The following CSMD3 variants were observed in gnomAD, a reference collection of about 807,000 sequenced individuals.
The protein encoded by CSMD3 is CUB and Sushi multiple domains 3.
In CSMD3, 177 loss-of-function variants were observed where a neutral mutation model predicts 435.2. The ratio of observed to expected loss-of-function variants is 0.41; its 90% CI spans 0.36 to 0.46. CSMD3 has a LOEUF of 0.46. Among genes scored for constraint, CSMD3 ranks in the 20% least tolerant of loss-of-function variants. The pLI is 0.34. For synonymous variants in CSMD3, 1,656 were observed against 1,520.5 expected, an observed-to-expected ratio of 1.09 and a Z score of -2.07; for missense variants, 4,265 against 4,504.6, an observed-to-expected ratio of 0.95 and a Z score of 1.52.
At chr8:113,158,325 T>C (rs1014440107) in intron 4 of CSMD3, among the ~76,000 whole-genome samples, 10 of 151,988 alleles carry the variant, frequency 6.6e-5, no homozygotes, top group Non-Finnish European at 1.2e-4. Flanking sequence ...GAACCACATA[T>C]ATGATAACGG....
chr8:113,038,251 A>C (rs1587941949), intron 5 of CSMD3, among the ~76,000 whole-genome samples: 1 of 152,240 alleles, frequency 6.6e-6, no homozygotes, highest in Non-Finnish European at 1.5e-5. Flanking sequence ...TATATGTAAT[A>C]GAACATTTAC....
rs780262453 is a variant in CSMD3, at chr8:112,638,708, T to A, written c.3514A>T (p.Ile1172Leu). The A allele has an allele frequency of 2.5e-6, 4 of 1,583,640 alleles. No homozygotes were observed. The highest frequency in any genetic ancestry group is 3.5e-6 in the Non-Finnish European group (4 of 1,152,892). ...DFSISYEGFN[I>L]TFSEYNLEPC... ...TTTATTTTCTCACCAGAGAATGTTA[T>A]GTTAAATCCTTCATATGATATTGAA... The change falls in exon 21 of 71, where the codon ATA becomes TTA. Residue 1172 changes from isoleucine to leucine, a missense_variant. By Grantham distance (5) the Ile-to-Leu change is conservative (BLOSUM62 2). This residue lies in a region of CSMD3 where 3,255 missense variants were observed against 3,380.2 expected (regional missense o/e 0.96). Coordinates refer to ENST00000297405, the MANE Select transcript of CSMD3 (RefSeq NM_198123.2).
At chr8:112,509,737 C>G (rs1361446416) in intron 28 of CSMD3, among the ~76,000 whole-genome samples, 2 of 152,038 alleles carry the variant, frequency 1.3e-5, no homozygotes, top group Non-Finnish European at 2.9e-5. Context: ...TCCTAAGTTC[C>G]TTACATGGTT....
chr8:113,249,496 T>C (rs2132290072), intron 3 of CSMD3, among the ~76,000 whole-genome samples: 1 of 152,224 alleles, frequency 6.6e-6, no homozygotes, highest in East Asian at 1.9e-4. Context: ...ACAACAGTTG[T>C]ACATATTATA....
chr8:113,398,918 T>C (rs111837759), intron 1 of CSMD3, among the ~76,000 whole-genome samples: 5 of 151,322 alleles, frequency 3.3e-5, no homozygotes, highest in African/African-American at 1.2e-4. Context: ...TGCTGGGGGA[T>C]GAGAGGAAGT....
chr8:113,215,088 G>T (rs1024615206), intron 3 of CSMD3, among the ~76,000 whole-genome samples: 3 of 151,760 alleles, frequency 2.0e-5, no homozygotes, highest in Non-Finnish European at 4.4e-5. Flanking sequence ...TCATATATTC[G>T]TAATAAAATA....
intron 3 of CSMD3, among the ~76,000 whole-genome samples, chr8:113,255,374 G>A (rs1260170373): frequency 1.3e-5 from 2 of 151,906 alleles, no homozygotes; most frequent in Non-Finnish European, 2.9e-5. Flanking sequence ...GAAAACTTTT[G>A]CTGTACTGAA....
At chr8:112,511,788 C>G (rs906410233) in intron 28 of CSMD3, among the ~76,000 whole-genome samples, 12 of 152,180 alleles carry the variant, frequency 7.9e-5, no homozygotes, top group Non-Finnish European at 5.9e-5. Flanking sequence ...CACAGTAGAA[C>G]TTCTTGGAGA....
chr8:112,301,086 G>C (rs1435755714), intron 53 of CSMD3, among the ~76,000 whole-genome samples: 1 of 151,904 alleles, frequency 6.6e-6, no homozygotes. Flanking sequence ...GTCAGATCTT[G>C]AAATCATTTT....
At chr8:112,244,297 T>G (rs944132380) in intron 65 of CSMD3, 97 bp downstream of exon 65, 8 of 1,031,814 alleles carry the variant, frequency 7.8e-6, no homozygotes, top group Non-Finnish European at 1.2e-5. Context: ...CAAATTTCCC[T>G]TGTTCCTATG....
chr8:112,255,470 AC>A, intron 61 of CSMD3, 43 bp from the exon 62 acceptor site: 1 of 1,556,084 alleles, frequency 6.4e-7, no homozygotes, highest in Non-Finnish European at 8.9e-7. Flanking sequence ...GATTTAGTAT[AC>A]AGCAGAGTAC....
intron 28 of CSMD3, among the ~76,000 whole-genome samples, chr8:112,510,202 A>G (rs1822964177): frequency 6.6e-6 from 1 of 152,222 alleles, no homozygotes; most frequent in Non-Finnish European, 1.5e-5. Context: ...TGATAATTGA[A>G]ACGATTATTC....
chr8:112,531,337 A>G (rs1219106476), intron 27 of CSMD3, among the ~76,000 whole-genome samples: 1 of 152,042 alleles, frequency 6.6e-6, no homozygotes, highest in Non-Finnish European at 1.5e-5. Flanking sequence ...AGCTGCTTAA[A>G]GAGGCCTGAG....
At chr8:112,825,785 C>T (rs2079660550) in intron 12 of CSMD3, among the ~76,000 whole-genome samples, 1 of 152,154 alleles carries the variant, frequency 6.6e-6, no homozygotes, top group Admixed American at 6.5e-5. Context: ...TGTCTGAGAA[C>T]TCCTGTTGGA....
intron 31 of CSMD3, among the ~76,000 whole-genome samples, chr8:112,476,701 G>T (rs976571956): frequency 3.3e-5 from 5 of 152,156 alleles, no homozygotes; most frequent in Admixed American, 3.3e-4. Context: ...CAATAATTTA[G>T]AGACTGAAAA....
chr8:112,855,809 C>CTT (rs34885472), intron 11 of CSMD3, among the ~76,000 whole-genome samples: 27,278 of 135,354 alleles, frequency 0.2, 3,499 homozygotes, highest in Non-Finnish European at 0.29. Context: ...CTTAGCGAAG[C>CTT]TTTTTTTTTT....
intron 12 of CSMD3, among the ~76,000 whole-genome samples, chr8:112,824,227 G>A (rs2079611345): frequency 6.6e-6 from 1 of 152,066 alleles, no homozygotes; most frequent in South Asian, 2.1e-4. Flanking sequence ...CCTGAATACA[G>A]CACCCTGATG....
At chr8:113,000,534 T>C (rs1456166339) in intron 6 of CSMD3, among the ~76,000 whole-genome samples, 1 of 152,036 alleles carries the variant, frequency 6.6e-6, no homozygotes, top group African/African-American at 2.4e-5. Flanking sequence ...GATTTAGTCA[T>C]TCCACAATGC....
At position 113,032,060 on chromosome 8, in the gene CSMD3, CTG is replaced by C. The variant is rs2087133265; in HGVS notation, c.918-12883_918-12882del. Reference sequence around the variant, plus strand: ...CTGAGGCCTTCCCAGCCATGTGAAACTGTGAGTAAATTAAACCTCCTTGTTAA... The same window carrying C: ...CTGAGGCCTTCCCAGCCATGTGAAACTGAGTAAATTAAACCTCCTTGTTAA... On this transcript the variant is annotated intron_variant, in intron 5 of 70. Transcript: ENST00000297405. Among the ~76,000 whole-genome samples, 4 of 151,758 alleles carry C rather than the reference CTG, an allele frequency of 2.6e-5. No individual in the cohort carries two copies. The South Asian group carries it at 8.3e-4, about 32-fold the overall frequency.
Sources: allele counts gnomAD v4.1 joint callset (sites outside exome capture counted in the v4.1 genomes callset), GRCh38; gene constraint gnomAD v4.1.1; regional missense constraint gnomAD v4.1.1; transcripts MANE v1.5; gene names NCBI Gene and HGNC (gene_info 2026-07-23, HGNC 2026-07-21).